The following TMEM154 variants were observed in gnomAD, a reference collection of about 807,000 sequenced individuals.
TMEM154 encodes the protein transmembrane protein 154.
In TMEM154, 27 loss-of-function variants were observed where a neutral mutation model predicts 24.5. That is an observed-to-expected ratio of 1.10 (90% CI 0.81 to 1.52). The LOEUF (loss-of-function observed/expected upper bound fraction) is 1.52. TMEM154 is among the 40% of genes most tolerant of loss of function. TMEM154 has a pLI of 0.00. For synonymous variants in TMEM154, 67 were observed against 76.8 expected (o/e 0.87, Z 0.67); for missense variants, 228 against 213.4 (o/e 1.07, Z -0.43).
intron 6 of TMEM154, among the ~76,000 whole-genome samples, chr4:152,629,144 A>G (rs1751984076): frequency 6.6e-6 from 1 of 152,200 alleles, no homozygotes; most frequent in Non-Finnish European, 1.5e-5. Context: ...TTCTCCTCAT[A>G]GCCCTCCCCA....
intron 1 of TMEM154, among the ~76,000 whole-genome samples, chr4:152,673,577 A>C (rs1167398020): frequency 6.6e-6 from 1 of 152,238 alleles, no homozygotes; most frequent in Non-Finnish European, 1.5e-5. Flanking sequence ...CTGGGATTAC[A>C]GTCCTGAGCC....
intron 1 of TMEM154, among the ~76,000 whole-genome samples, chr4:152,657,859 C>G (rs1328976267): frequency 1.3e-5 from 2 of 152,048 alleles, no homozygotes; most frequent in Non-Finnish European, 2.9e-5. Flanking sequence ...CCCTGTCAAC[C>G]AAGGATTCTA....
At chr4:152,671,317 C>T (rs1277472389) in intron 1 of TMEM154, among the ~76,000 whole-genome samples, 1 of 151,894 alleles carries the variant, frequency 6.6e-6, no homozygotes, top group African/African-American at 2.4e-5. Context: ...GACTCTATCT[C>T]AAGGAGATGA....
intron 5 of TMEM154, among the ~76,000 whole-genome samples, chr4:152,641,710 T>A (rs1244366047): frequency 2.0e-5 from 3 of 149,778 alleles, no homozygotes; most frequent in African/African-American, 7.4e-5. Flanking sequence ...TGTATGCATA[T>A]TACTTTTAGC....
At chr4:152,636,079 G>A (rs757987870) in intron 6 of TMEM154, among the ~76,000 whole-genome samples, 2 of 152,194 alleles carry the variant, frequency 1.3e-5, no homozygotes, top group Non-Finnish European at 2.9e-5. Context: ...GGCTAGATTG[G>A]AAGAGTCATG....
intron 1 of TMEM154, among the ~76,000 whole-genome samples, chr4:152,658,768 A>G (rs957285330): frequency 2.0e-5 from 3 of 151,204 alleles, no homozygotes; most frequent in East Asian, 3.9e-4. Context: ...AACTGAGATC[A>G]CACCATTGCA....
At chr4:152,632,147 A>G (rs1752057442) in intron 6 of TMEM154, among the ~76,000 whole-genome samples, 1 of 152,132 alleles carries the variant, frequency 6.6e-6, no homozygotes, top group South Asian at 2.1e-4. Flanking sequence ...CTTGTGTGTC[A>G]TGCTTTCAAA....
intron 1 of TMEM154, chr4:152,668,899 C>T (rs537132461): frequency 6.6e-6 from 1 of 152,348 alleles, no homozygotes; most frequent in African/African-American, 2.4e-5. Context: ...ATCAGCTAAG[C>T]CCCGAACAGA....
At chr4:152,653,029 T>A (rs1283156075) in intron 1 of TMEM154, 102 bp from the exon 2 acceptor site, 1 of 1,256,828 alleles carries the variant, frequency 8.0e-7, no homozygotes, top group East Asian at 2.5e-5. Flanking sequence ...CTGTGATAAA[T>A]TTGACCCACT....
At chr4:152,658,920 T>A (rs1728542883) in intron 1 of TMEM154, among the ~76,000 whole-genome samples, 1 of 152,176 alleles carries the variant, frequency 6.6e-6, no homozygotes, top group Admixed American at 6.5e-5. Flanking sequence ...GGTGGGAATG[T>A]AAATTAGTAC....
At chr4:152,650,402 G>A (rs1005913097) in intron 3 of TMEM154, among the ~76,000 whole-genome samples, 2 of 151,350 alleles carry the variant, frequency 1.3e-5, no homozygotes, top group African/African-American at 4.9e-5. Flanking sequence ...TGTTCATTCA[G>A]AAGAAGCAAT....
intron 3 of TMEM154, among the ~76,000 whole-genome samples, chr4:152,645,047 G>A (rs1309167499): frequency 6.6e-6 from 1 of 152,066 alleles, no homozygotes. Context: ...CTTTCCTGTT[G>A]CTCCCCAGCT....
At chr4:152,628,598 A>AAAAC in intron 6 of TMEM154, 37 bp from the exon 7 acceptor site, 1 of 1,168,362 alleles carries the variant, frequency 8.6e-7, no homozygotes, top group Non-Finnish European at 1.1e-6. Context: ...AAAAACAAAA[A>AAAAC]AAACACACAC....
Position 152,628,435 on chromosome 4 carries a change from C to T in TMEM154, c.*111G>A, listed in dbSNP as rs761044659. The T allele has an allele frequency of 3.9e-5, 61 of 1,545,364 alleles. 1 individual carries two copies. The Admixed American group carries it at 1.0e-3, about 25-fold the overall frequency. On this transcript the variant is annotated 3_prime_UTR_variant, in exon 7 of 7. Coordinates refer to ENST00000304385, the MANE Select transcript of TMEM154 (RefSeq NM_152680.3). ...AAGAAACAGCAAAAGGTTCTTGTGT[C>T]TATGTTGATTTGAAATTAATTAAAT... is the stretch of plus-strand genomic sequence containing the variant.
intron 1 of TMEM154, among the ~76,000 whole-genome samples, chr4:152,667,233 G>C (rs1012325272): frequency 6.6e-6 from 1 of 152,180 alleles, no homozygotes; most frequent in East Asian, 1.9e-4. Context: ...TCCAGAGTCT[G>C]ATCTCCTCCT....
rs370816501 is a variant in TMEM154 at position 152,667,767 on chromosome 4, G to A, written c.64+12103C>T. The stretch of plus-strand genomic sequence containing the variant: ...GTACACTTTTTCTCTTCAGCCACCA[G>A]ATAACTAGAGGTGATGATGCCTTGC... On this transcript the variant is annotated intron_variant, in intron 1 of 6. Coordinates refer to ENST00000304385, the MANE Select transcript of TMEM154 (RefSeq NM_152680.3). 5.3e-5 allele frequency among the ~76,000 whole-genome samples: 8 copies of A among 152,364 alleles called. No individual in the cohort carries two copies. In the East Asian group the frequency reaches 1.2e-3, roughly 22 times the overall value.
At chr4:152,640,521 T>A (rs1752235260) in intron 6 of TMEM154, among the ~76,000 whole-genome samples, 1 of 152,170 alleles carries the variant, frequency 6.6e-6, no homozygotes, top group Admixed American at 6.5e-5. Flanking sequence ...AAATTCCCAT[T>A]TATTTTCTCA....
intron 1 of TMEM154, among the ~76,000 whole-genome samples, chr4:152,656,427 C>T (rs1367199074): frequency 6.6e-6 from 1 of 152,136 alleles, no homozygotes; most frequent in Non-Finnish European, 1.5e-5. Flanking sequence ...CCCAGCAATA[C>T]TTCACCACAG....
chr4:152,664,956 TAGA>T (rs879512515), intron 1 of TMEM154, among the ~76,000 whole-genome samples: 7 of 152,088 alleles, frequency 4.6e-5, no homozygotes, highest in Non-Finnish European at 7.4e-5. Flanking sequence ...TGATTAGCAT[TAGA>T]AGAAGGAGAG....
Sources: gnomAD v4.1 joint callset for allele counts (sites outside exome capture counted in the v4.1 genomes callset) on GRCh38, gnomAD v4.1.1 for gene constraint, MANE v1.5 for transcripts, NCBI Gene and HGNC (gene_info 2026-07-23, HGNC 2026-07-21) for gene names.